TRPM6: variants seen among roughly 807,000 people sequenced by gnomAD.
TRPM6 encodes channel kinase 2.
TRPM6 carries 111 observed loss-of-function variants against 247.6 expected under a neutral mutation model. That is an observed-to-expected ratio of 0.45 (90% CI 0.38 to 0.52). The LOEUF (loss-of-function observed/expected upper bound fraction) is 0.52. Ranked by LOEUF, TRPM6 falls within the 20% of genes least tolerant of loss-of-function variation. The pLI is 0.00. For missense variants in TRPM6, 2,126 were observed against 2,421.5 expected, an observed-to-expected ratio of 0.88 and a Z score of 2.56; for synonymous variants, 892 against 853.8, an observed-to-expected ratio of 1.04 and a Z score of -0.78.
intron 1 of TRPM6, among the ~76,000 whole-genome samples, chr9:74,875,956 CA>C (rs202097356): frequency 1.3e-5 from 2 of 152,188 alleles, no homozygotes; most frequent in East Asian, 3.9e-4. Context: ...ATTCAATTTG[CA>C]GAAACTTCTT....
chr9:74,816,773 G>T lies in TRPM6; in HGVS notation c.1208-4C>A. ...TCTGACGCTGATAAATTTGTGCCTAGGGTAAAAGAAAGGAACAATCATATA... is the reference window on the plus strand; with the variant it reads ...TCTGACGCTGATAAATTTGTGCCTATGGTAAAAGAAAGGAACAATCATATA... On this transcript the variant is annotated splice_polypyrimidine_tract_variant and splice_region_variant and intron_variant, in intron 10 of 38. Coordinates refer to ENST00000360774, the MANE Select transcript of TRPM6 (RefSeq NM_017662.5). 6.2e-7 allele frequency: 1 copy of T among 1,613,892 alleles called. No homozygotes were observed. The highest frequency in any genetic ancestry group is 8.5e-7 in the Non-Finnish European group (1 of 1,179,818).
At position 74,789,960 on chromosome 9, in the gene TRPM6, C is replaced by CAAAA. The variant is rs71368680; in HGVS notation, c.2539-1222_2539-1219dup. Reference sequence around the variant, plus strand: ...TGGGTGACAGAGCAAGACTCCATCTCAAAAAAAAAAAAAAAAAAAAAAAAA... The same window carrying CAAAA: ...TGGGTGACAGAGCAAGACTCCATCTCAAAAAAAAAAAAAAAAAAAAAAAAAAAAA... On this transcript the variant is annotated intron_variant, in intron 19 of 38. Transcript: ENST00000360774. Among the ~76,000 whole-genome samples the CAAAA allele has an allele frequency of 3.8e-3, 248 of 65,110 alleles. 6 individuals are homozygous for CAAAA. The highest frequency in any genetic ancestry group is 0.015 in the African/African-American group (231 of 15,542). 42.7% of individuals were successfully genotyped at this position (65,110 alleles called of 152,430 possible).
Position 74,816,668 on chromosome 9 carries a change from C to G in TRPM6, c.1308+1G>C. ...TCCGAATAACTTCATTTTCACTATA[C>G]CTTCCAGTGTTGTTCATAAATTAGG... is the stretch of plus-strand genomic sequence containing the variant. On this transcript the variant is annotated splice_donor_variant, in intron 11 of 38. Transcript: ENST00000360774. LOFTEE classifies it high-confidence loss of function. 2.5e-6 allele frequency: 4 copies of G among 1,611,874 alleles called. No homozygotes were observed. The highest frequency in any genetic ancestry group is 2.5e-6 in the Non-Finnish European group (3 of 1,178,204).
chr9:74,791,673 A>T lies in TRPM6; in HGVS notation c.2538+951T>A, dbSNP rs1380492672. On this transcript the variant is annotated intron_variant, in intron 19 of 38. Transcript: ENST00000360774. Reference sequence around the variant, plus strand: ...TTTCTCTCTATATTTATAAACATATACTACTGAAGGCAAAAAAACCAAACA... The same window carrying T: ...TTTCTCTCTATATTTATAAACATATTCTACTGAAGGCAAAAAAACCAAACA... 7.9e-5 allele frequency among the ~76,000 whole-genome samples: 12 copies of T among 152,230 alleles called. No individual in the cohort carries two copies. In the South Asian group the frequency reaches 1.4e-3, roughly 18 times the overall value.
At chr9:74,752,116 T>A (rs965126783) in intron 29 of TRPM6, among the ~76,000 whole-genome samples, 161 bp downstream of exon 29, 3 of 151,826 alleles carry the variant, frequency 2.0e-5, no homozygotes, top group Admixed American at 6.6e-5. Flanking sequence ...ATTGAAAAAA[T>A]AGAACAGAAA....
At chr9:74,771,681 G>A in intron 25 of TRPM6, 22 bp downstream of exon 25, 1 of 1,611,980 alleles carries the variant, frequency 6.2e-7, no homozygotes, top group East Asian at 2.2e-5. Flanking sequence ...GTTTCAGAAT[G>A]GAAAAGATTT....
chr9:74,761,167 G>A (rs1472942587), intron 27 of TRPM6, among the ~76,000 whole-genome samples: 1 of 152,184 alleles, frequency 6.6e-6, no homozygotes, highest in Non-Finnish European at 1.5e-5. Context: ...TGGTGGGCAT[G>A]TAAAATGTTA....
chr9:74,769,781 A>G (rs1210377385), intron 25 of TRPM6, among the ~76,000 whole-genome samples: 1 of 63,250 alleles, frequency 1.6e-5, no homozygotes, highest in African/African-American at 1.5e-4. Context: ...GGAAGGAAGG[A>G]AGGACGGAAG....
At chr9:74,742,428 G>A in intron 33 of TRPM6, 133 bp downstream of exon 33, 4 of 822,188 alleles carry the variant, frequency 4.9e-6, no homozygotes, top group Non-Finnish European at 8.1e-6. Context: ...TTTAGGAAAT[G>A]AATCTCACTA....
rs1287186078 is a variant in TRPM6, at chr9:74,796,838, T to G, written c.2294A>C (p.Lys765Thr). The change falls in exon 18 of 39, where the codon AAA becomes ACA. Residue 765 changes from lysine (K) to threonine (T), a missense_variant. Coordinates refer to ENST00000360774, the MANE Select transcript of TRPM6 (RefSeq NM_017662.5). The part of the protein sequence containing the change: ...PTILTLEFKS[K>T]AEMSHVPQSQ... ...CTGGGGAACATGTGACATCTCAGCT[T>G]TGCTTTTAAATTCCAGTGTCAAAAT... 6.2e-7 allele frequency: 1 copy of G among 1,613,978 alleles called. No homozygotes were observed.
chr9:74,778,075 A>G (rs1205897905), intron 23 of TRPM6, among the ~76,000 whole-genome samples: 1 of 152,244 alleles, frequency 6.6e-6, no homozygotes, highest in Non-Finnish European at 1.5e-5. Context: ...GCTAGAAAGG[A>G]GACCTCCAGC....
chr9:74,736,966 G>T (rs1040954742), intron 36 of TRPM6, among the ~76,000 whole-genome samples: 2 of 150,640 alleles, frequency 1.3e-5, no homozygotes, highest in East Asian at 1.9e-4. Flanking sequence ...GTTTTTTTTT[G>T]TGTGTGTGTT....
At chr9:74,794,087 T>C (rs1466023037) in intron 18 of TRPM6, among the ~76,000 whole-genome samples, 1 of 152,016 alleles carries the variant, frequency 6.6e-6, no homozygotes, top group East Asian at 1.9e-4. Flanking sequence ...GAAGCAGCAA[T>C]GTAAGGGTAG....
At chr9:74,793,892 T>G (rs549246151) in intron 18 of TRPM6, among the ~76,000 whole-genome samples, 1 of 152,274 alleles carries the variant, frequency 6.6e-6, no homozygotes, top group Non-Finnish European at 1.5e-5. Flanking sequence ...AATTAACTCA[T>G]GTAGAGAATT....
At position 74,750,678 on chromosome 9, in the gene TRPM6, G is replaced by A. The variant is rs776648448; in HGVS notation, c.5043C>T (p.Leu1681=). ...GAAATACTCACAGGGAGTTCCTATT[G>A]AGGTTGGTGCTCCTGGAATTCCACA... ...NSLWNSRSTN[L]NRNSLLKSSI... is the part of the protein sequence containing the mutation. The change falls in exon 30 of 39, where the codon CTC becomes CTT. Residue 1681 remains leucine, a synonymous_variant. Coordinates refer to ENST00000360774, the MANE Select transcript of TRPM6 (RefSeq NM_017662.5). The A allele has an allele frequency of 6.2e-7, 1 of 1,613,806 alleles. No individual in the cohort carries two copies. The highest frequency in any genetic ancestry group is 8.5e-7 in the Non-Finnish European group (1 of 1,179,772).
intron 32 of TRPM6, among the ~76,000 whole-genome samples, chr9:74,743,563 T>C (rs749475767): frequency 9.1e-4 from 138 of 152,348 alleles, no homozygotes; most frequent in Non-Finnish European, 1.4e-3. Flanking sequence ...AGTACAATTA[T>C]TCCCACTTTG....
At position 74,788,577 on chromosome 9, in the gene TRPM6, A is replaced by G. The variant is rs748332490; in HGVS notation, c.2667+37T>C. On this transcript the variant is annotated intron_variant, in intron 20 of 38. Transcript: ENST00000360774. ...CAGTGGACACCTACAGAAGCTGAGGACATATGCAGAAGATAAAGGTAGATG... is the reference window on the plus strand; with the variant it reads ...CAGTGGACACCTACAGAAGCTGAGGGCATATGCAGAAGATAAAGGTAGATG... 11 of 1,612,510 alleles carry G rather than the reference A, an allele frequency of 6.8e-6. No homozygotes were observed. The South Asian group carries it at 1.2e-4, about 18-fold the overall frequency.
At chr9:74,728,380 G>T in intron 37 of TRPM6, 35 bp from the exon 38 acceptor site, 1 of 1,471,948 alleles carries the variant, frequency 6.8e-7, no homozygotes, top group Non-Finnish European at 9.5e-7. Context: ...TTAGATCACA[G>T]CTAAGAAAAA....
At position 74,724,232 on chromosome 9, in the gene TRPM6, C is replaced by A; in HGVS notation, c.*381G>T. ...GAGGTGACAAATAGTAGTAGGGGGTCCAGTCTGCATACATAGTGAGAAAAT... is the reference window on the plus strand; with the variant it reads ...GAGGTGACAAATAGTAGTAGGGGGTACAGTCTGCATACATAGTGAGAAAAT... On this transcript the variant is annotated 3_prime_UTR_variant, in exon 39 of 39. Coordinates refer to ENST00000360774, the MANE Select transcript of TRPM6 (RefSeq NM_017662.5). 3.6e-6 allele frequency: 1 copy of A among 277,996 alleles called. No individual in the cohort carries two copies. Among genetic ancestry groups the A allele is most frequent in the Non-Finnish European group, 7.0e-6 (1 of 143,580 alleles). The allele number at this position is 277,996 out of a possible 1,614,324, so 17.2% of individuals were successfully genotyped here. A position where few individuals can be genotyped will look rare whatever the true frequency, so the allele number is the denominator to read the frequency against.
Sources: gnomAD v4.1 joint callset for allele counts (sites outside exome capture counted in the v4.1 genomes callset) on GRCh38, gnomAD v4.1.1 for gene constraint, MANE v1.5 for transcripts, NCBI Gene and HGNC (gene_info 2026-07-23, HGNC 2026-07-21) for gene names.